TAF3: variants seen among roughly 807,000 people sequenced by gnomAD.
TAF3 encodes TATA-box binding protein associated factor 3.
Under a neutral mutation model 80.6 loss-of-function variants are expected in TAF3, and 7 were observed. The observed-to-expected ratio is 0.09, with a 90% confidence interval of 0.05 to 0.16. TAF3 has a LOEUF of 0.16. Among genes scored for constraint, TAF3 ranks in the 10% least tolerant of loss-of-function variants. The probability of loss-of-function intolerance (pLI) is 1.00; values close to 1 mark genes in which losing one functional copy is unlikely to be tolerated. For synonymous variants in TAF3, 444 were observed against 446.1 expected, an observed-to-expected ratio of 1.00 and a Z score of 0.06; for missense variants, 921 against 1,140.2, an observed-to-expected ratio of 0.81 and a Z score of 2.77.
intron 2 of TAF3, among the ~76,000 whole-genome samples, chr10:7,884,696 T>A (rs1320008377): frequency 6.6e-6 from 1 of 152,158 alleles, no homozygotes; most frequent in African/African-American, 2.4e-5. Flanking sequence ...CCTGCCTCCT[T>A]TTTTTGAAGA....
chr10:7,994,977 G>GAAAAAAAAAAAAA (rs71287400), intron 4 of TAF3, among the ~76,000 whole-genome samples: 4 of 97,646 alleles, frequency 4.1e-5, no homozygotes, highest in Non-Finnish European at 4.0e-5. Context: ...CTCAAAAAAA[G>GAAAAAAAAAAAAA]AAAAAAAAAA....
intron 2 of TAF3, among the ~76,000 whole-genome samples, chr10:7,878,690 AAT>A (rs1837331922): frequency 6.8e-6 from 1 of 146,900 alleles, no homozygotes; most frequent in African/African-American, 2.6e-5. Context: ...TAATTCAACC[AAT>A]GTATGTATGT....
chr10:8,005,150 C>T (rs1831979732), intron 4 of TAF3, among the ~76,000 whole-genome samples: 3 of 152,038 alleles, frequency 2.0e-5, no homozygotes, highest in African/African-American at 4.8e-5. Flanking sequence ...CTAGCCTTTG[C>T]CTTTTATTAT....
intron 4 of TAF3, among the ~76,000 whole-genome samples, chr10:7,985,357 C>T (rs1203740530): frequency 2.0e-5 from 3 of 152,174 alleles, no homozygotes; most frequent in South Asian, 2.1e-4. Flanking sequence ...GCTGGAACTT[C>T]GTTCCCTCTC....
intron 2 of TAF3, among the ~76,000 whole-genome samples, chr10:7,961,667 C>G (rs533410849): frequency 2.0e-5 from 3 of 152,320 alleles, no homozygotes; most frequent in South Asian, 2.1e-4. Flanking sequence ...CTCTCATGCA[C>G]TCTGTCCTGT....
chr10:7,860,320 A>G (rs991425276), intron 2 of TAF3, among the ~76,000 whole-genome samples: 2 of 152,096 alleles, frequency 1.3e-5, no homozygotes, highest in African/African-American at 4.8e-5. Flanking sequence ...CAAGAAATGA[A>G]TTATTAAGCG....
chr10:7,890,248 T>C (rs1433265968), intron 2 of TAF3, among the ~76,000 whole-genome samples: 1 of 152,224 alleles, frequency 6.6e-6, no homozygotes, highest in Admixed American at 6.5e-5. Context: ...ATCTGCCTGC[T>C]AAACTTCTGT....
intron 2 of TAF3, among the ~76,000 whole-genome samples, chr10:7,911,335 A>G (rs1432173253): frequency 6.6e-6 from 1 of 152,240 alleles, no homozygotes; most frequent in African/African-American, 2.4e-5. Flanking sequence ...AAGAAAACAT[A>G]TTTAGAGTTT....
At chr10:7,881,466 C>T (rs1006376587) in intron 2 of TAF3, among the ~76,000 whole-genome samples, 5 of 146,346 alleles carry the variant, frequency 3.4e-5, no homozygotes, top group Non-Finnish European at 7.6e-5. Flanking sequence ...AGACATTTGT[C>T]TCTCAGACAC....
chr10:8,002,159 G>T (rs1831950698), intron 4 of TAF3, among the ~76,000 whole-genome samples: 1 of 151,904 alleles, frequency 6.6e-6, no homozygotes, highest in Non-Finnish European at 1.5e-5. Context: ...TCTCTTTCCT[G>T]CCCCTGAAAT....
At chr10:7,874,106 G>A (rs1390369937) in intron 2 of TAF3, among the ~76,000 whole-genome samples, 1 of 152,172 alleles carries the variant, frequency 6.6e-6, no homozygotes, top group East Asian at 1.9e-4. Flanking sequence ...ATTTTTTAAA[G>A]CTGTGAGCTT....
Position 8,013,745 on chromosome 10 carries a change from G to T in TAF3, c.2583G>T (p.Trp861Cys). 6.2e-7 allele frequency: 1 copy of T among 1,613,894 alleles called. No individual in the cohort carries two copies. Among genetic ancestry groups the T allele is most frequent in the East Asian group, 2.2e-5 (1 of 44,870 alleles). Residue 861 changes from tryptophan (W) to cysteine (C), a missense_variant, in exon 6 of 7, where the codon TGG (tryptophan) becomes TGT (cysteine). By Grantham distance (215) the Trp-to-Cys change is radical (BLOSUM62 -2). Around this residue, in one of 6 missense-constraint regions of TAF3, gnomAD observed 27 missense variants for 42.5 expected, o/e 0.64. Transcript: ENST00000344293. ...TVSTYVIRDE[W>C]GNQIWICPGC... ...GCAAACATCAGATCCGAGATGAGTG[G>T]GGCAATCAGATCTGGATCTGCCCTG... is the stretch of plus-strand genomic sequence containing the variant.
intron 2 of TAF3, among the ~76,000 whole-genome samples, chr10:7,898,692 G>A (rs887700107): frequency 6.6e-6 from 1 of 152,036 alleles, no homozygotes; most frequent in African/African-American, 2.4e-5. Flanking sequence ...CTGTGCAAAA[G>A]CAGAAAGAAA....
intron 2 of TAF3, among the ~76,000 whole-genome samples, chr10:7,827,941 G>A (rs1052603251): frequency 1.3e-5 from 2 of 152,038 alleles, no homozygotes; most frequent in Non-Finnish European, 2.9e-5. Flanking sequence ...GAGTGACAGC[G>A]AGACCCTGTC....
intron 2 of TAF3, among the ~76,000 whole-genome samples, chr10:7,863,353 G>A (rs1288693130): frequency 6.6e-6 from 1 of 151,896 alleles, no homozygotes. Flanking sequence ...GGTCACACCT[G>A]TAATCCCAGC....
intron 2 of TAF3, chr10:7,833,806 C>T: frequency 2.3e-6 from 1 of 425,602 alleles, no homozygotes; most frequent in South Asian, 6.7e-5. Flanking sequence ...AGCTGGGTGG[C>T]CAATTGCAGT....
At chr10:8,010,865 A>G (rs1717993164) in intron 5 of TAF3, among the ~76,000 whole-genome samples, 1 of 152,152 alleles carries the variant, frequency 6.6e-6, no homozygotes, top group African/African-American at 2.4e-5. Context: ...CCAAGATCGT[A>G]CCACTGCTCT....
intron 2 of TAF3, among the ~76,000 whole-genome samples, chr10:7,936,459 G>A (rs950840510): frequency 2.6e-5 from 4 of 151,236 alleles, no homozygotes; most frequent in Admixed American, 6.6e-5. Flanking sequence ...AGATTTCTAT[G>A]GATTGGCATA....
At chr10:7,939,609 C>G (rs1205142363) in intron 2 of TAF3, among the ~76,000 whole-genome samples, 1 of 150,332 alleles carries the variant, frequency 6.7e-6, no homozygotes, top group Non-Finnish European at 1.5e-5. Flanking sequence ...CACACACACA[C>G]ACACACACAC....
Sources: allele counts gnomAD v4.1 joint callset (sites outside exome capture counted in the v4.1 genomes callset), GRCh38; gene constraint gnomAD v4.1.1; regional missense constraint gnomAD v4.1.1; transcripts MANE v1.5; gene names NCBI Gene and HGNC (gene_info 2026-07-23, HGNC 2026-07-21).